RBFOX1: variants seen among roughly 807,000 people sequenced by gnomAD.
The protein encoded by RBFOX1 is RNA binding protein fox-1 homolog 1.
In RBFOX1, 8 loss-of-function variants were observed where a neutral mutation model predicts 57.7. That is an observed-to-expected ratio of 0.14 (90% confidence interval 0.08 to 0.25). The LOEUF is 0.25. Ranked by LOEUF, RBFOX1 falls within the 10% of genes least tolerant of loss-of-function variation. The pLI is 1.00. For synonymous variants in RBFOX1, 326 were observed against 222.4 expected (o/e 1.47, Z -4.15); for missense variants, 611 against 548.5 (o/e 1.11, Z -1.14).
At chr16:7,119,001 T>G (rs993782) in intron 4 of RBFOX1, among the ~76,000 whole-genome samples, 97,558 of 151,962 alleles carry the variant, frequency 0.64, 31,665 homozygotes, top group East Asian at 0.88. Flanking sequence ...CAGTTCTGTG[T>G]GCCAGAGGAC....
intron 3 of RBFOX1, among the ~76,000 whole-genome samples, chr16:6,977,885 G>C (rs1234864575): frequency 2.0e-5 from 3 of 149,516 alleles, no homozygotes; most frequent in East Asian, 3.9e-4. Context: ...TGAGCTGAGG[G>C]GACTCTCTAG....
chr16:5,688,718 A>G (rs144485843), intron 3 of RBFOX1, among the ~76,000 whole-genome samples: 82 of 152,358 alleles, frequency 5.4e-4, no homozygotes, highest in African/African-American at 1.9e-3. Flanking sequence ...ACATAATGGC[A>G]AAGACTGAAT....
At chr16:7,058,938 G>GT (rs1401363049) in intron 4 of RBFOX1, among the ~76,000 whole-genome samples, 1 of 152,162 alleles carries the variant, frequency 6.6e-6, no homozygotes, top group Non-Finnish European at 1.5e-5. Context: ...AAATGACTGA[G>GT]TTTTTTAGAA....
intron 3 of RBFOX1, among the ~76,000 whole-genome samples, chr16:6,971,924 C>T (rs977645700): frequency 6.6e-6 from 1 of 152,108 alleles, no homozygotes; most frequent in African/African-American, 2.4e-5. Context: ...GAGATGGGAA[C>T]TGGACCGACT....
At chr16:6,617,203 C>T (rs2098155821) in intron 2 of RBFOX1, among the ~76,000 whole-genome samples, 1 of 151,672 alleles carries the variant, frequency 6.6e-6, no homozygotes, top group Non-Finnish European at 1.5e-5. Context: ...GTATAGGGTT[C>T]AGTGAAACTT....
At chr16:7,086,700 A>G in intron 4 of RBFOX1, among the ~76,000 whole-genome samples, 1 of 151,492 alleles carries the variant, frequency 6.6e-6, no homozygotes, top group East Asian at 1.9e-4. Flanking sequence ...GCGATTGCAA[A>G]GAGAGGGAGG....
chr16:7,201,325 G>C (rs7499451), intron 4 of RBFOX1, among the ~76,000 whole-genome samples: 95,968 of 151,902 alleles, frequency 0.63, 31,573 homozygotes, highest in African/African-American at 0.83. Flanking sequence ...CAGCTGAGGT[G>C]AAGGAAACAG....
chr16:6,379,333 G>C (rs2091545997), intron 2 of RBFOX1, among the ~76,000 whole-genome samples: 1 of 152,118 alleles, frequency 6.6e-6, no homozygotes, highest in Non-Finnish European at 1.5e-5. Context: ...CCCAAAATTA[G>C]GATGGCCACA....
intron 4 of RBFOX1, among the ~76,000 whole-genome samples, chr16:5,957,194 G>A (rs745554708): frequency 1.2e-4 from 18 of 152,144 alleles, no homozygotes; most frequent in Admixed American, 3.9e-4. Flanking sequence ...CACACTATGA[G>A]AAACAATTTA....
At chr16:6,962,654 C>G (rs113284678) in intron 3 of RBFOX1, among the ~76,000 whole-genome samples, 56 of 152,214 alleles carry the variant, frequency 3.7e-4, no homozygotes, top group African/African-American at 1.1e-3. Flanking sequence ...TGGTTGAACT[C>G]AGGAGTTCAA....
At chr16:6,396,255 C>T (rs2092830571) in intron 2 of RBFOX1, among the ~76,000 whole-genome samples, 1 of 152,006 alleles carries the variant, frequency 6.6e-6, no homozygotes, top group Non-Finnish European at 1.5e-5. Context: ...GGCTTTGACC[C>T]TGGAAAGAGA....
At chr16:7,543,292 C>A (rs1421407235) in intron 5 of RBFOX1, among the ~76,000 whole-genome samples, 1 of 152,190 alleles carries the variant, frequency 6.6e-6, no homozygotes. Flanking sequence ...GGTTTGAGAA[C>A]TGAGAGTCTC....
chr16:6,700,896 A>C (rs565541559), intron 3 of RBFOX1, among the ~76,000 whole-genome samples: 2 of 152,038 alleles, frequency 1.3e-5, no homozygotes, highest in African/African-American at 2.4e-5. Context: ...TCTTTACCCA[A>C]TTTGCTAGTC....
intron 4 of RBFOX1, among the ~76,000 whole-genome samples, chr16:7,215,273 A>G (rs1417103678): frequency 2.0e-5 from 3 of 152,194 alleles, no homozygotes; most frequent in African/African-American, 7.2e-5. Context: ...TTCCTGAAGG[A>G]TCTAGAACCA....
chr16:6,616,594 T>G (rs1229258028), intron 2 of RBFOX1, among the ~76,000 whole-genome samples: 1 of 152,172 alleles, frequency 6.6e-6, no homozygotes, highest in African/African-American at 2.4e-5. Context: ...GAGAATAGCA[T>G]GAACCTGGAG....
rs58813577 is a variant in RBFOX1 at position 6,366,465 on chromosome 16, C to G, written c.-64+49408C>G. 5.0e-3 allele frequency among the ~76,000 whole-genome samples: 764 copies of G among 152,158 alleles called. 12 individuals carry two copies. Among genetic ancestry groups the G allele is most frequent in the African/African-American group, 0.017 (690 of 41,494 alleles). On this transcript the variant is annotated intron_variant, in intron 2 of 15. Transcript: ENST00000550418. Reference sequence around the variant, plus strand: ...GAGATATGAGACAATGTTGAACAACCCAGAATAAGCCAAAATATAAGGAGG... The same window carrying G: ...GAGATATGAGACAATGTTGAACAACGCAGAATAAGCCAAAATATAAGGAGG...
At chr16:6,253,308 A>G (rs955687429) in intron 1 of RBFOX1, among the ~76,000 whole-genome samples, 3 of 152,174 alleles carry the variant, frequency 2.0e-5, no homozygotes, top group African/African-American at 4.8e-5. Context: ...AGCTCTCTGC[A>G]AAGTCATCAC....
intron 1 of RBFOX1, among the ~76,000 whole-genome samples, chr16:5,349,798 G>T (rs1466117956): frequency 2.6e-5 from 4 of 152,252 alleles, no homozygotes; most frequent in African/African-American, 9.6e-5. Context: ...GAGCCGGGCT[G>T]TGCTGGAGCT....
intron 2 of RBFOX1, among the ~76,000 whole-genome samples, chr16:6,345,309 C>T (rs1336558223): frequency 6.6e-6 from 1 of 152,172 alleles, no homozygotes; most frequent in African/African-American, 2.4e-5. Flanking sequence ...CAGGGCTCCC[C>T]CTATAGGCAG....
Sources: allele counts gnomAD v4.1 joint callset (sites outside exome capture counted in the v4.1 genomes callset), GRCh38; gene constraint gnomAD v4.1.1; transcripts MANE v1.5; gene names NCBI Gene and HGNC (gene_info 2026-07-23, HGNC 2026-07-21).